BIRC6: variants seen among roughly 807,000 people sequenced by gnomAD.
The protein encoded by BIRC6 is dual E2 ubiquitin-conjugating enzyme/E3 ubiquitin-protein ligase BIRC6.
In BIRC6, 98 loss-of-function variants were observed where a neutral mutation model predicts 503.3. That is an observed-to-expected ratio of 0.19 (90% CI 0.17 to 0.23). BIRC6 has a LOEUF of 0.23. Ranked by LOEUF, BIRC6 falls within the 10% of genes least tolerant of loss-of-function variation. BIRC6 has a pLI of 1.00. For synonymous variants in BIRC6, 2,240 were observed against 2,078.7 expected, an observed-to-expected ratio of 1.08 and a Z score of -2.11; for missense variants, 5,360 against 5,806.0, an observed-to-expected ratio of 0.92 and a Z score of 2.50.
chr2:32,491,959 T>C (rs2051777123), intron 44 of BIRC6, among the ~76,000 whole-genome samples: 1 of 152,142 alleles, frequency 6.6e-6, no homozygotes, highest in Non-Finnish European at 1.5e-5. Flanking sequence ...ATGATTTTGC[T>C]TAGCAAAAGA....
chr2:32,544,621 G>T (rs1477030690), intron 62 of BIRC6, among the ~76,000 whole-genome samples: 2 of 151,314 alleles, frequency 1.3e-5, no homozygotes, highest in African/African-American at 2.4e-5. Flanking sequence ...CATTTAGAAA[G>T]AATAAAATGT....
At chr2:32,549,193 A>G in intron 64 of BIRC6, 120 bp from the exon 65 acceptor site, 2 of 629,324 alleles carry the variant, frequency 3.2e-6, no homozygotes, top group South Asian at 5.5e-5. Flanking sequence ...AAAACATAGT[A>G]TAAGATACTG....
chr2:32,593,852 G>T, intron 66 of BIRC6, 63 bp from the exon 67 acceptor site: 31 of 1,358,684 alleles, frequency 2.3e-5, no homozygotes, highest in Non-Finnish European at 3.2e-5. Context: ...TTGATTTATG[G>T]AGGTGTTTTA....
At chr2:32,516,622 T>C (rs2055073350) in intron 55 of BIRC6, among the ~76,000 whole-genome samples, 1 of 151,118 alleles carries the variant, frequency 6.6e-6, no homozygotes, top group Non-Finnish European at 1.5e-5. Context: ...AGATAATTTA[T>C]CATATATTAT....
intron 4 of BIRC6, among the ~76,000 whole-genome samples, chr2:32,391,583 G>A (rs1225249267): frequency 6.6e-6 from 1 of 152,144 alleles, no homozygotes. Flanking sequence ...GTATTTTCCT[G>A]TTTTCTTTGT....
At position 32,553,197 on chromosome 2, in the gene BIRC6, C is replaced by CAAAAAAAAAAAAAAAAAAAA. The variant is rs763552918; in HGVS notation, c.13144+3734_13144+3753dup. Among the ~76,000 whole-genome samples the CAAAAAAAAAAAAAAAAAAAA allele has an allele frequency of 5.2e-4, 18 of 34,948 alleles. 2 individuals are homozygous for CAAAAAAAAAAAAAAAAAAAA. The highest frequency in any genetic ancestry group is 8.3e-4 in the Non-Finnish European group (17 of 20,582). 22.9% of individuals were successfully genotyped at this position (34,948 alleles called of 152,430 possible). ...GGGTGACAAGAGTGAAACTCTGTCT[C>CAAAAAAAAAAAAAAAAAAAA]AAAAAAAAAAAAAAAAAAAAAAAAA... is the stretch of plus-strand genomic sequence containing the variant. On this transcript the variant is annotated intron_variant, in intron 65 of 73. Coordinates refer to ENST00000421745, the MANE Select transcript of BIRC6 (RefSeq NM_016252.4).
intron 57 of BIRC6, 117 bp downstream of exon 57, chr2:32,519,063 A>G (rs1253427710): frequency 1.0e-6 from 1 of 980,548 alleles, no homozygotes; most frequent in African/African-American, 1.6e-5. Flanking sequence ...TGACTAGGAA[A>G]GTTCAAGACA....
intron 68 of BIRC6, 134 bp from the exon 69 acceptor site, chr2:32,597,617 T>C (rs2151463821): frequency 1.5e-6 from 1 of 663,242 alleles, no homozygotes; most frequent in Middle Eastern, 3.9e-4. Context: ...ATGTAAACAT[T>C]TACACTTTTG....
At chr2:32,511,620 G>A (rs1320641189) in intron 53 of BIRC6, among the ~76,000 whole-genome samples, 4 of 150,360 alleles carry the variant, frequency 2.7e-5, no homozygotes, top group South Asian at 2.1e-4. Context: ...ATGAGCCACC[G>A]CACCCGGCCA....
chr2:32,610,406 C>T (rs574641871), intron 72 of BIRC6, among the ~76,000 whole-genome samples: 30 of 152,248 alleles, frequency 2.0e-4, no homozygotes, highest in African/African-American at 5.3e-4. Context: ...AAATGTAAAT[C>T]ACAGTAATAA....
intron 1 of BIRC6, among the ~76,000 whole-genome samples, chr2:32,373,225 GA>G (rs35996034): frequency 0.033 from 4,800 of 144,710 alleles, 75 homozygotes; most frequent in South Asian, 0.059. Flanking sequence ...ATTTCTGCAG[GA>G]AAAAAAAAAA....
rs201972555 is a variant in BIRC6, at chr2:32,493,495, A to C, written c.8341-45A>C. 6 of 1,508,092 alleles carry C rather than the reference A, an allele frequency of 4.0e-6. No homozygotes were observed. The South Asian group carries it at 8.0e-5, about 20-fold the overall frequency. 93.4% of individuals were successfully genotyped at this position (1,508,092 alleles called of 1,614,324 possible). A position where few individuals can be genotyped will look rare whatever the true frequency, so the allele number is the denominator to read the frequency against. ...AATTTTTAAATGAATGATTTTTTAC[A>C]TGTTACCAGTAAGCAGTTTTCAGTG... On this transcript the variant is annotated intron_variant, in intron 44 of 73. Coordinates refer to ENST00000421745, the MANE Select transcript of BIRC6 (RefSeq NM_016252.4).
At chr2:32,446,381 C>T (rs917704956) in intron 21 of BIRC6, among the ~76,000 whole-genome samples, 11 of 152,298 alleles carry the variant, frequency 7.2e-5, no homozygotes, top group African/African-American at 2.6e-4. Flanking sequence ...ATGAATTAAG[C>T]AATAGCAAAA....
intron 39 of BIRC6, among the ~76,000 whole-genome samples, chr2:32,484,563 A>G (rs111477788): frequency 0.03 from 4,457 of 150,836 alleles, 152 homozygotes; most frequent in African/African-American, 0.085. Flanking sequence ...AAAAAAAAAA[A>G]AAAGAAAGAA....
intron 32 of BIRC6, among the ~76,000 whole-genome samples, chr2:32,472,284 G>C (rs1300881126): frequency 6.6e-6 from 1 of 152,122 alleles, no homozygotes; most frequent in African/African-American, 2.4e-5. Flanking sequence ...GGCCAGGCTG[G>C]TCTTGAACTC....
Position 32,436,168 on chromosome 2 carries a change from C to A in BIRC6, c.3615C>A (p.Ser1205Arg). 1.4e-6 allele frequency: 2 copies of A among 1,450,116 alleles called. No homozygotes were observed. The highest frequency in any genetic ancestry group is 1.8e-6 in the Non-Finnish European group (2 of 1,081,556). The allele number at this position is 1,450,116 out of a possible 1,614,324, so 89.8% of individuals were successfully genotyped here. A position where few individuals can be genotyped will look rare whatever the true frequency, so the allele number is the denominator to read the frequency against. Reference sequence around the variant, plus strand: ...ATGCTGGAATGTTGACGTTAACAAGCCCCAAACTTGTTAAAGGTGAAGTAA... The same window carrying A: ...ATGCTGGAATGTTGACGTTAACAAGACCCAAACTTGTTAAAGGTGAAGTAA... ...SGHAGMLTLT[S>R]PKLVKGMAGG... Residue 1205 changes from serine to arginine, a missense_variant, in exon 15 of 74, where the codon AGC (serine) becomes AGA (arginine). Coordinates refer to ENST00000421745, the MANE Select transcript of BIRC6 (RefSeq NM_016252.4).
intron 33 of BIRC6, among the ~76,000 whole-genome samples, chr2:32,474,539 A>G (rs1026913731): frequency 2.0e-5 from 3 of 152,180 alleles, no homozygotes; most frequent in Non-Finnish European, 2.9e-5. Flanking sequence ...AGGTGTCAGT[A>G]TTACTTCTCT....
At position 32,467,719 on chromosome 2, in the gene BIRC6, C is replaced by T. The variant is rs2048704770; in HGVS notation, c.5551C>T (p.Pro1851Ser). The T allele has an allele frequency of 1.9e-6, 3 of 1,613,192 alleles. No individual in the cohort carries two copies. The highest frequency in any genetic ancestry group is 1.3e-5 in the African/African-American group (1 of 74,884). Residue 1851 changes from proline (P) to serine (S), a missense_variant, in exon 27 of 74, where the codon CCC becomes TCC. By Grantham distance (74) the Pro-to-Ser change is moderately conservative (BLOSUM62 -1). Around this residue, in one of 16 missense-constraint regions of BIRC6, gnomAD observed 2,299 missense variants for 2,267.2 expected, o/e 1.01. Transcript: ENST00000421745. ...AATTCTTCATGACTTAATACCACCT[C>T]CCGTGTGCAGATTCATGAAGGTAAA... ...SLILHDLIPPPVCRFMKITVI... is the reference protein window; with the variant it reads ...SLILHDLIPPSVCRFMKITVI...
chr2:32,567,479 T>C (rs779369476), intron 65 of BIRC6, among the ~76,000 whole-genome samples: 3 of 152,224 alleles, frequency 2.0e-5, no homozygotes, highest in Non-Finnish European at 4.4e-5. Context: ...ACACTTGAAA[T>C]GTGGTTAGTG....
Sources: allele counts gnomAD v4.1 joint callset (sites outside exome capture counted in the v4.1 genomes callset), GRCh38; gene constraint gnomAD v4.1.1; regional missense constraint gnomAD v4.1.1; transcripts MANE v1.5; gene names NCBI Gene and HGNC (gene_info 2026-07-23, HGNC 2026-07-21).